Variants in SGCZ observed in about 807,000 individuals in gnomAD.
SGCZ encodes sarcoglycan zeta, also known as zeta-sarcoglycan.
A neutral mutation model predicts 41.3 loss-of-function variants in SGCZ; 40 were observed. That is an observed-to-expected ratio of 0.97 (90% CI 0.75 to 1.26). The LOEUF is 1.26. SGCZ is among the 50% of genes most tolerant of loss of function. SGCZ has a pLI of 0.00. For synonymous variants in SGCZ, 206 were observed against 137.5 expected, an observed-to-expected ratio of 1.50 and a Z score of -3.49; for missense variants, 552 against 369.8, an observed-to-expected ratio of 1.49 and a Z score of -4.04.
chr8:15,084,986 T>C (rs1441750879), intron 1 of SGCZ, among the ~76,000 whole-genome samples: 2 of 152,156 alleles, frequency 1.3e-5, no homozygotes, highest in Non-Finnish European at 2.9e-5. Context: ...TAATTATGAT[T>C]ATGTGCTCCA....
intron 1 of SGCZ, among the ~76,000 whole-genome samples, chr8:14,639,838 G>C (rs540206772): frequency 6.6e-6 from 1 of 151,152 alleles, no homozygotes; most frequent in African/African-American, 2.4e-5. Flanking sequence ...TGTGATTCCA[G>C]CCAGTCCAGG....
At chr8:15,182,885 A>G (rs1800219393) in intron 1 of SGCZ, among the ~76,000 whole-genome samples, 1 of 152,254 alleles carries the variant, frequency 6.6e-6, no homozygotes, top group African/African-American at 2.4e-5. Flanking sequence ...GCTATACAAA[A>G]ATATTTTCTT....
intron 1 of SGCZ, among the ~76,000 whole-genome samples, chr8:14,726,615 T>C (rs1810065002): frequency 6.6e-6 from 1 of 151,836 alleles, no homozygotes; most frequent in Non-Finnish European, 1.5e-5. Flanking sequence ...AAATTCACAA[T>C]TTTGAGAAAT....
intron 3 of SGCZ, chr8:14,309,120 T>A (rs1801441009): frequency 6.8e-7 from 1 of 1,465,880 alleles, no homozygotes. Context: ...GAACACTATA[T>A]TAAACATCCC....
At chr8:14,660,785 G>A (rs1239065537) in intron 1 of SGCZ, among the ~76,000 whole-genome samples, 1 of 151,942 alleles carries the variant, frequency 6.6e-6, no homozygotes, top group East Asian at 1.9e-4. Flanking sequence ...AAACTGGAGA[G>A]GCCATACAGT....
At chr8:14,297,228 T>A (rs1321199601) in intron 3 of SGCZ, among the ~76,000 whole-genome samples, 1 of 152,118 alleles carries the variant, frequency 6.6e-6, no homozygotes, top group Non-Finnish European at 1.5e-5. Context: ...CGGCCCTGAA[T>A]ATTTTTATTT....
intron 1 of SGCZ, among the ~76,000 whole-genome samples, chr8:15,147,906 T>G (rs911065922): frequency 9.2e-5 from 14 of 152,218 alleles, no homozygotes; most frequent in African/African-American, 3.4e-4. Context: ...AAGGTACATT[T>G]TTGCTTAATT....
At chr8:14,753,324 T>C (rs543842505) in intron 1 of SGCZ, among the ~76,000 whole-genome samples, 3 of 152,340 alleles carry the variant, frequency 2.0e-5, no homozygotes, top group African/African-American at 7.2e-5. Flanking sequence ...TTCAAACTTA[T>C]ATGTTAAATA....
At chr8:14,306,977 TAGC>T (rs533553046) in intron 3 of SGCZ, among the ~76,000 whole-genome samples, 1 of 152,176 alleles carries the variant, frequency 6.6e-6, no homozygotes, top group South Asian at 2.1e-4. Context: ...AGAAATGAAA[TAGC>T]AGTCACTAAT....
At chr8:15,031,019 AT>A (rs780317972) in intron 1 of SGCZ, among the ~76,000 whole-genome samples, 1 of 151,830 alleles carries the variant, frequency 6.6e-6, no homozygotes, top group African/African-American at 2.4e-5. Flanking sequence ...ATAAATCCGA[AT>A]TTTATTTTAG....
chr8:15,172,968 T>C lies in SGCZ; in HGVS notation c.39+64617A>G, dbSNP rs141420991. 6.6e-3 allele frequency among the ~76,000 whole-genome samples: 998 copies of C among 152,356 alleles called. 4 individuals are homozygous for C. Among genetic ancestry groups the C allele is most frequent in the Middle Eastern group, 0.01 (3 of 294 alleles). ...CCAAAGAAGTCATTACGAGATTTCA[T>C]TTTAAATTGACTATTCTGAACTTTT... On this transcript the variant is annotated intron_variant, in intron 1 of 7. Coordinates refer to ENST00000382080, the MANE Select transcript of SGCZ (RefSeq NM_139167.4).
At chr8:14,757,661 G>A (rs951628536) in intron 1 of SGCZ, among the ~76,000 whole-genome samples, 4 of 152,190 alleles carry the variant, frequency 2.6e-5, no homozygotes, top group South Asian at 2.1e-4. Flanking sequence ...CAACTCTTTC[G>A]GTTTCACAGC....
chr8:14,207,104 G>A (rs1008149619), intron 4 of SGCZ, among the ~76,000 whole-genome samples: 19 of 32,046 alleles, frequency 5.9e-4, no homozygotes, highest in African/African-American at 4.1e-3. Context: ...GACCCCTTTC[G>A]ATGTAAAGAA....
intron 2 of SGCZ, among the ~76,000 whole-genome samples, chr8:14,354,107 T>C (rs1489822209): frequency 6.6e-6 from 1 of 152,070 alleles, no homozygotes; most frequent in Admixed American, 6.6e-5. Context: ...AAAGGAGTGT[T>C]CTACATCTGC....
At chr8:15,148,869 A>C (rs1799103891) in intron 1 of SGCZ, among the ~76,000 whole-genome samples, 1 of 152,204 alleles carries the variant, frequency 6.6e-6, no homozygotes, top group Non-Finnish European at 1.5e-5. Context: ...TGCCCCTCAC[A>C]CTGTCATAGT....
chr8:14,286,005 G>A (rs141260235), intron 3 of SGCZ, among the ~76,000 whole-genome samples: 1 of 151,974 alleles, frequency 6.6e-6, no homozygotes, highest in African/African-American at 2.4e-5. Context: ...TTATTATCAG[G>A]ATAAATTATT....
intron 2 of SGCZ, among the ~76,000 whole-genome samples, chr8:14,387,586 A>G (rs536465481): frequency 6.6e-6 from 1 of 152,176 alleles, no homozygotes; most frequent in Non-Finnish European, 1.5e-5. Context: ...ATATTAAGAC[A>G]ATAAAGATGT....
At chr8:14,816,427 A>G (rs963555477) in intron 1 of SGCZ, among the ~76,000 whole-genome samples, 28 of 152,234 alleles carry the variant, frequency 1.8e-4, no homozygotes, top group African/African-American at 6.8e-4. Flanking sequence ...GTCAGAAAGT[A>G]CAATGTTATA....
chr8:14,413,485 G>A (rs868422539), intron 2 of SGCZ, among the ~76,000 whole-genome samples: 1 of 151,866 alleles, frequency 6.6e-6, no homozygotes, highest in Admixed American at 6.6e-5. Context: ...TTGTCCTAAT[G>A]GATCCTGCTG....
Sources: allele counts gnomAD v4.1 joint callset (sites outside exome capture counted in the v4.1 genomes callset), GRCh38; gene constraint gnomAD v4.1.1; transcripts MANE v1.5; gene names NCBI Gene and HGNC (gene_info 2026-07-23, HGNC 2026-07-21).